BAZ2B: variants seen among roughly 807,000 people sequenced by gnomAD.
The protein encoded by BAZ2B is bromodomain adjacent to zinc finger domain protein 2B.
Under a neutral mutation model 246.0 loss-of-function variants are expected in BAZ2B, and 91 were observed. The ratio of observed to expected loss-of-function variants is 0.37; its 90% CI spans 0.31 to 0.44. BAZ2B has a LOEUF of 0.44. BAZ2B is among the 20% of genes least tolerant of loss of function. The pLI is 1.00. For synonymous variants in BAZ2B, 855 were observed against 860.0 expected, an observed-to-expected ratio of 0.99 and a Z score of 0.10; for missense variants, 2,332 against 2,533.7, an observed-to-expected ratio of 0.92 and a Z score of 1.71.
At chr2:159,701,198 G>C in the BAZ2B span, among the ~76,000 whole-genome samples, 1 of 152,140 alleles carries the variant, frequency 6.6e-6, no homozygotes, top group African/African-American at 2.4e-5. Flanking sequence ...TGTCTCTAGT[G>C]TCTGAGTCAC....
intron 1 of BAZ2B, among the ~76,000 whole-genome samples, chr2:159,592,759 G>A (rs755966140): frequency 1.3e-5 from 2 of 152,180 alleles, no homozygotes; most frequent in Admixed American, 1.3e-4. Context: ...AATGACTGCT[G>A]CCCCAACTGA....
chr2:159,404,623 CT>C lies in BAZ2B; in HGVS notation c.2832+225del, dbSNP rs569840013. The C allele has an allele frequency of 1.4e-3, 650 of 452,894 alleles. 1 individual carries two copies. Among genetic ancestry groups the C allele is most frequent in the Admixed American group, 2.1e-3 (52 of 25,250 alleles). 28.1% of individuals were successfully genotyped at this position (452,894 alleles called of 1,614,324 possible). A position where few individuals can be genotyped will look rare whatever the true frequency, so the allele number is the denominator to read the frequency against. On this transcript the variant is annotated intron_variant, in intron 16 of 36. Coordinates refer to ENST00000392783, the MANE Select transcript of BAZ2B (RefSeq NM_013450.4). The stretch of plus-strand genomic sequence containing the variant: ...CAAAGTCTACCAGGATATTAAAGTA[CT>C]TACACAAATTTACTGTTTGGTAATC...
intron 27 of BAZ2B, among the ~76,000 whole-genome samples, chr2:159,353,235 T>C (rs963224644): frequency 1.2e-4 from 18 of 152,354 alleles, no homozygotes; most frequent in African/African-American, 4.1e-4. Context: ...ATTAAATCCC[T>C]ATACATCAGA....
intron 16 of BAZ2B, chr2:159,404,596 T>C (rs2149794976): frequency 8.2e-6 from 3 of 365,298 alleles, no homozygotes; most frequent in South Asian, 7.7e-5. Context: ...TATCAACTTA[T>C]ACAAAGTCTA....
chr2:159,331,099 T>C (rs2064676899), intron 34 of BAZ2B, among the ~76,000 whole-genome samples: 2 of 152,208 alleles, frequency 1.3e-5, no homozygotes, highest in South Asian at 4.1e-4. Context: ...GGAGAACTGC[T>C]GGAATAATAT....
the BAZ2B span, among the ~76,000 whole-genome samples, chr2:159,628,116 T>C: frequency 2.6e-5 from 4 of 152,244 alleles, no homozygotes; most frequent in South Asian, 2.1e-4. Context: ...TTACAAGGGA[T>C]GTGAAGGACC....
intron 1 of BAZ2B, among the ~76,000 whole-genome samples, chr2:159,574,528 C>T (rs1368771410): frequency 6.6e-6 from 1 of 151,960 alleles, no homozygotes; most frequent in Non-Finnish European, 1.5e-5. Context: ...GTTATATGCA[C>T]AAGAGAACTA....
At chr2:159,382,513 T>G (rs930123689) in intron 25 of BAZ2B, 46 bp downstream of exon 25, 2 of 1,510,620 alleles carry the variant, frequency 1.3e-6, no homozygotes, top group Non-Finnish European at 8.9e-7. Flanking sequence ...TTTAAAAATA[T>G]GTTATGCAGT....
chr2:159,458,779 A>C (rs2076089350), intron 3 of BAZ2B: 1 of 152,082 alleles, frequency 6.6e-6, no homozygotes, highest in South Asian at 2.1e-4. Flanking sequence ...ATTCCTAAAG[A>C]TTTTGTCCAG....
intron 27 of BAZ2B, among the ~76,000 whole-genome samples, chr2:159,356,590 G>C (rs994033309): frequency 1.3e-5 from 2 of 152,212 alleles, no homozygotes; most frequent in African/African-American, 2.4e-5. Flanking sequence ...GCTCTGAAGA[G>C]AGCAGCAGAT....
chr2:159,543,978 A>G (rs942355692), intron 2 of BAZ2B, among the ~76,000 whole-genome samples: 9 of 152,320 alleles, frequency 5.9e-5, no homozygotes, highest in African/African-American at 1.9e-4. Context: ...TTTAATCTCT[A>G]AATGCTCTAG....
chr2:159,670,950 T>C, the BAZ2B span: 3 of 152,254 alleles, frequency 2.0e-5, no homozygotes, highest in Non-Finnish European at 4.4e-5. Flanking sequence ...GATGTTATAC[T>C]GTCTTCTGGC....
chr2:159,349,989 G>A lies in BAZ2B; in HGVS notation c.4582C>T (p.Leu1528=), dbSNP rs2058382621. The part of the protein sequence containing the change: ...SNVEKADSNN[L]FNTGSSGPGK... The stretch of plus-strand genomic sequence containing the variant: ...GGACCACTTGAACCAGTATTAAACA[G>A]ATTATTAGAGTCTGCCTTTTCCACA... The change falls in exon 28 of 37, where the codon CTG becomes TTG. Residue 1528 remains leucine, a synonymous_variant. Transcript: ENST00000392783. 1 of 1,614,190 alleles carries A rather than the reference G, an allele frequency of 6.2e-7. No individual in the cohort carries two copies. Among genetic ancestry groups the A allele is most frequent in the Non-Finnish European group, 8.5e-7 (1 of 1,180,024 alleles).
intron 2 of BAZ2B, among the ~76,000 whole-genome samples, chr2:159,527,856 G>A (rs1282785580): frequency 1.3e-5 from 2 of 152,188 alleles, no homozygotes; most frequent in Admixed American, 6.5e-5. Flanking sequence ...ACTTACCCAG[G>A]AAGAGCTTGA....
chr2:159,403,116 T>C (rs1190749691), intron 16 of BAZ2B, among the ~76,000 whole-genome samples: 3 of 152,122 alleles, frequency 2.0e-5, no homozygotes, highest in Admixed American at 6.5e-5. Flanking sequence ...TTTGGTCTAC[T>C]AGGTGGAAAA....
the BAZ2B span, among the ~76,000 whole-genome samples, chr2:159,681,614 T>G: frequency 4.6e-5 from 7 of 152,170 alleles, no homozygotes; most frequent in Admixed American, 6.5e-5. Flanking sequence ...TTCCAGCAAT[T>G]AAACAGTTGT....
intron 1 of BAZ2B, among the ~76,000 whole-genome samples, chr2:159,610,473 T>C (rs1694475944): frequency 6.6e-6 from 1 of 152,170 alleles, no homozygotes; most frequent in Non-Finnish European, 1.5e-5. Flanking sequence ...GATTAATGAG[T>C]GCATGTTTGT....
At chr2:159,372,627 A>C (rs2060975388) in intron 27 of BAZ2B, among the ~76,000 whole-genome samples, 1 of 152,218 alleles carries the variant, frequency 6.6e-6, no homozygotes, top group African/African-American at 2.4e-5. Flanking sequence ...TTTGAAAAGG[A>C]ATGAGGATTA....
At chr2:159,622,734 C>T in the BAZ2B span, among the ~76,000 whole-genome samples, 2 of 152,048 alleles carry the variant, frequency 1.3e-5, no homozygotes, top group African/African-American at 2.4e-5. Context: ...GAAATGGGGC[C>T]AGGCACAGTG....
Sources: allele counts gnomAD v4.1 joint callset (sites outside exome capture counted in the v4.1 genomes callset), GRCh38; gene constraint gnomAD v4.1.1; transcripts MANE v1.5; gene names NCBI Gene and HGNC (gene_info 2026-07-23, HGNC 2026-07-21).